The following TACC1 variants were observed in gnomAD, a reference collection of about 807,000 sequenced individuals.
TACC1 encodes transforming acidic coiled-coil containing protein 1, also known as transforming acidic coiled-coil-containing protein 1.
A neutral mutation model predicts 84.4 loss-of-function variants in TACC1; 48 were observed. That is an observed-to-expected ratio of 0.57 (90% CI 0.45 to 0.72). The LOEUF is 0.72. TACC1 is among the 30% of genes least tolerant of loss of function. TACC1 has a pLI of 0.00. For synonymous variants in TACC1, 372 were observed against 376.3 expected, an observed-to-expected ratio of 0.99 and a Z score of 0.13; for missense variants, 920 against 973.0, an observed-to-expected ratio of 0.95 and a Z score of 0.72.
At chr8:38,790,335 A>G (rs1818346288) in intron 2 of TACC1, among the ~76,000 whole-genome samples, 1 of 152,194 alleles carries the variant, frequency 6.6e-6, no homozygotes, top group Admixed American at 6.5e-5. Flanking sequence ...TACTATTTCT[A>G]GATAAGGTCA....
At chr8:38,839,355 T>A (rs773646335) in intron 8 of TACC1, 4 of 395,394 alleles carry the variant, frequency 1.0e-5, no homozygotes, top group African/African-American at 8.2e-5. Context: ...ATGAAATGAC[T>A]AAAGATGAAA....
chr8:38,758,759 G>A (rs1810642801), intron 3 of TACC1, among the ~76,000 whole-genome samples: 1 of 147,300 alleles, frequency 6.8e-6, no homozygotes. Flanking sequence ...TGCCCCACAT[G>A]TTATTTAACC....
chr8:38,822,569 G>A (rs1827124124), intron 3 of TACC1, among the ~76,000 whole-genome samples: 1 of 152,050 alleles, frequency 6.6e-6, no homozygotes. Flanking sequence ...TTAGCTTACT[G>A]TAACTTTTAC....
rs187527979 is a variant in TACC1 at position 38,836,580 on chromosome 8, G to A, written c.1839+293G>A. 1.8e-3 allele frequency among the ~76,000 whole-genome samples: 277 copies of A among 152,294 alleles called. 2 individuals carry two copies. Among genetic ancestry groups the A allele is most frequent in the African/African-American group, 6.2e-3 (258 of 41,560 alleles). On this transcript the variant is annotated intron_variant, in intron 7 of 12. Coordinates refer to ENST00000317827, the MANE Select transcript of TACC1 (RefSeq NM_006283.3). ...CTAATTTTGCCAGCTTTGCTCCCAT[G>A]TGTAACTAAATCAGTGCTTTTATTT...
intron 2 of TACC1, among the ~76,000 whole-genome samples, chr8:38,796,244 G>A (rs575995933): frequency 6.6e-6 from 1 of 152,216 alleles, no homozygotes; most frequent in Non-Finnish European, 1.5e-5. Context: ...ACTGCTAGTA[G>A]TGGACCTGGG....
upstream of TACC1, among the ~76,000 whole-genome samples, chr8:38,783,066 ATATCTATCTATCTATC>A (rs58057050): frequency 8.0e-4 from 108 of 135,464 alleles, no homozygotes; most frequent in East Asian, 7.9e-3. Flanking sequence ...TGTAGTGTAA[ATATCTATCTATCTATC>A]TATCTATCTA....
intron 11 of TACC1, among the ~76,000 whole-genome samples, chr8:38,843,886 A>G (rs1180921938): frequency 1.3e-5 from 2 of 152,208 alleles, no homozygotes; most frequent in African/African-American, 4.8e-5. Context: ...GTGACCTGGT[A>G]GGTGATCGTT....
chr8:38,787,987 G>C, intron 1 of TACC1: 1 of 503,238 alleles, frequency 2.0e-6, no homozygotes, highest in Non-Finnish European at 3.5e-6. Flanking sequence ...CAGTCTCTCC[G>C]CATCCCCGCT....
chr8:38,811,199 A>G (rs914544132), intron 2 of TACC1, among the ~76,000 whole-genome samples: 3 of 151,738 alleles, frequency 2.0e-5, no homozygotes, highest in African/African-American at 7.3e-5. Flanking sequence ...TAAAAAAAAA[A>G]AAACCTGAAA....
At chr8:38,800,407 A>G (rs1218032692) in intron 2 of TACC1, among the ~76,000 whole-genome samples, 3 of 151,994 alleles carry the variant, frequency 2.0e-5, no homozygotes, top group Non-Finnish European at 4.4e-5. Flanking sequence ...TAGGTGTCAC[A>G]CTCCATTCCT....
chr8:38,754,959 A>G (rs1472929619), intron 3 of TACC1, among the ~76,000 whole-genome samples: 1 of 152,212 alleles, frequency 6.6e-6, no homozygotes, highest in South Asian at 2.1e-4. Context: ...ACAGGAGTTC[A>G]ATACAGCCTG....
chr8:38,780,560 G>C (rs1815736299), intron 3 of TACC1, among the ~76,000 whole-genome samples: 1 of 150,996 alleles, frequency 6.6e-6, no homozygotes, highest in African/African-American at 2.4e-5. Context: ...GGCTATTTTT[G>C]CATAAATGTG....
At chr8:38,734,993 T>C (rs1275354106) in intron 1 of TACC1, among the ~76,000 whole-genome samples, 1 of 152,228 alleles carries the variant, frequency 6.6e-6, no homozygotes, top group Admixed American at 6.5e-5. Flanking sequence ...GCTCTCTTCC[T>C]TGGAGTGGCT....
chr8:38,852,261 T>C lies in TACC1; in HGVS notation c.*4238T>C, dbSNP rs1265155972. 4.0e-6 allele frequency: 1 copy of C among 248,230 alleles called. No homozygotes were observed. Among genetic ancestry groups the C allele is most frequent in the Non-Finnish European group, 8.2e-6 (1 of 121,430 alleles). 15.4% of individuals were successfully genotyped at this position (248,230 alleles called of 1,614,324 possible). On this transcript the variant is annotated 3_prime_UTR_variant, in exon 13 of 13. Transcript: ENST00000317827. ...AACTATAATATGGTTACAGCTATTATATAAATATATATTCTGGTTATAGTT... is the reference window on the plus strand; with the variant it reads ...AACTATAATATGGTTACAGCTATTACATAAATATATATTCTGGTTATAGTT...
chr8:38,757,632 G>C (rs1166217651), intron 3 of TACC1, among the ~76,000 whole-genome samples: 4 of 152,088 alleles, frequency 2.6e-5, no homozygotes, highest in Non-Finnish European at 5.9e-5. Flanking sequence ...ACCGGATCGC[G>C]TCCGGGCGTG....
intron 3 of TACC1, among the ~76,000 whole-genome samples, chr8:38,763,445 C>A (rs949719148): frequency 1.6e-4 from 24 of 152,176 alleles, no homozygotes; most frequent in African/African-American, 5.8e-4. Context: ...GTGTGAGCCA[C>A]CATGCCCGGC....
chr8:38,800,922 TGTTTGGTTATAGCCATGCCA>T (rs1229118343), intron 2 of TACC1, among the ~76,000 whole-genome samples: 1 of 152,232 alleles, frequency 6.6e-6, no homozygotes, highest in Non-Finnish European at 1.5e-5. Flanking sequence ...ATTGTCTGTC[TGTTTGGTTATAGCCATGCCA>T]GTAGGTGTGG....
rs143367648 is a variant in TACC1, at chr8:38,806,178, G to T, written c.278-13344G>T. On this transcript the variant is annotated intron_variant, in intron 2 of 12. Coordinates refer to ENST00000317827, the MANE Select transcript of TACC1 (RefSeq NM_006283.3). ...TGGGTTCCCTGTCTGACTTCTGGGT[G>T]CTCAGAAGCATGGCCCCGGGGGTCT... 1.6e-4 allele frequency among the ~76,000 whole-genome samples: 24 copies of T among 152,240 alleles called. No individual in the cohort carries two copies. The East Asian group carries it at 4.6e-3, about 29-fold the overall frequency.
intron 1 of TACC1, among the ~76,000 whole-genome samples, chr8:38,738,142 T>C (rs1365708584): frequency 6.7e-6 from 1 of 150,012 alleles, no homozygotes; most frequent in Admixed American, 6.6e-5. Flanking sequence ...GGCTCACACC[T>C]TTAATCCCAA....
Sources: gnomAD v4.1 joint callset for allele counts (sites outside exome capture counted in the v4.1 genomes callset) on GRCh38, gnomAD v4.1.1 for gene constraint, MANE v1.5 for transcripts, NCBI Gene and HGNC (gene_info 2026-07-23, HGNC 2026-07-21) for gene names.